Variants in DGKB observed in about 807,000 individuals in gnomAD.
DGKB encodes the protein 90 kDa diacylglycerol kinase.
In DGKB, 67 loss-of-function variants were observed where a neutral mutation model predicts 114.3. That is an observed-to-expected ratio of 0.59 (90% CI 0.48 to 0.72). The LOEUF (loss-of-function observed/expected upper bound fraction) is 0.72. Ranked by LOEUF, DGKB falls within the 30% of genes least tolerant of loss-of-function variation. The probability of loss-of-function intolerance (pLI) is 0.00; values close to 1 mark genes in which losing one functional copy is unlikely to be tolerated. For synonymous variants in DGKB, 398 were observed against 323.1 expected (o/e 1.23, Z -2.49); for missense variants, 907 against 975.2 (o/e 0.93, Z 0.93).
chr7:14,970,666 A>G (rs1215366365), intron 1 of DGKB, among the ~76,000 whole-genome samples: 2 of 152,122 alleles, frequency 1.3e-5, no homozygotes, highest in African/African-American at 4.8e-5. Context: ...TCTTGTTTTC[A>G]TACCCCTTCC....
intron 21 of DGKB, among the ~76,000 whole-genome samples, chr7:14,435,863 C>T (rs1407484746): frequency 6.6e-6 from 1 of 151,938 alleles, no homozygotes; most frequent in Non-Finnish European, 1.5e-5. Context: ...TCTGAGCTTC[C>T]AACAACTGTC....
chr7:14,853,998 A>C (rs1044030243), intron 1 of DGKB, among the ~76,000 whole-genome samples: 2 of 152,086 alleles, frequency 1.3e-5, no homozygotes, highest in Non-Finnish European at 2.9e-5. Flanking sequence ...CACCTTTATC[A>C]CATCTTGCCT....
At chr7:14,278,930 C>T (rs535753199) in intron 23 of DGKB, among the ~76,000 whole-genome samples, 4 of 152,238 alleles carry the variant, frequency 2.6e-5, no homozygotes, top group African/African-American at 9.6e-5. Context: ...GCCTGAGCAA[C>T]GCAGAAGACG....
intron 2 of DGKB, among the ~76,000 whole-genome samples, chr7:14,803,111 C>T (rs562594444): frequency 2.6e-3 from 392 of 151,012 alleles, no homozygotes; most frequent in Admixed American, 6.9e-3. Context: ...TCCATTTACT[C>T]ATTTACTTAT....
At chr7:14,534,787 C>T (rs1380126691) in intron 20 of DGKB, among the ~76,000 whole-genome samples, 1 of 152,236 alleles carries the variant, frequency 6.6e-6, no homozygotes, top group East Asian at 1.9e-4. Context: ...TGGGATAAAG[C>T]ACATATTAGT....
intron 20 of DGKB, among the ~76,000 whole-genome samples, chr7:14,514,984 T>G (rs1041866565): frequency 1.3e-5 from 2 of 152,042 alleles, no homozygotes; most frequent in African/African-American, 4.8e-5. Context: ...GTCAAGGCTA[T>G]AGTGAGCCTG....
chr7:14,168,112 A>C (rs1784871588), intron 25 of DGKB, among the ~76,000 whole-genome samples: 2 of 152,300 alleles, frequency 1.3e-5, no homozygotes, highest in Admixed American at 1.3e-4. Flanking sequence ...GAGAAATAGA[A>C]GATAGTTAAA....
chr7:14,605,384 A>AAC (rs1432327564), intron 17 of DGKB, among the ~76,000 whole-genome samples: 5 of 142,676 alleles, frequency 3.5e-5, no homozygotes, highest in South Asian at 2.3e-4. Context: ...ATATACACCT[A>AAC]TATATGTGTG....
At chr7:14,269,033 T>A (rs1797910480) in intron 23 of DGKB, 1 of 152,196 alleles carries the variant, frequency 6.6e-6, no homozygotes, top group African/African-American at 2.4e-5. Context: ...AGCTGAAGGT[T>A]TAACTTGGGC....
At chr7:14,503,300 T>C (rs1252860615) in intron 20 of DGKB, among the ~76,000 whole-genome samples, 1 of 152,168 alleles carries the variant, frequency 6.6e-6, no homozygotes, top group Non-Finnish European at 1.5e-5. Context: ...AAAAACTAAC[T>C]CCACATTTGT....
intron 20 of DGKB, among the ~76,000 whole-genome samples, chr7:14,492,929 T>C (rs1371003858): frequency 2.0e-5 from 3 of 152,124 alleles, no homozygotes; most frequent in Non-Finnish European, 4.4e-5. Flanking sequence ...TAGTCAAATT[T>C]TGCAAACATG....
upstream of DGKB, among the ~76,000 whole-genome samples, chr7:14,907,601 G>A (rs1411200428): frequency 3.3e-5 from 5 of 152,226 alleles, no homozygotes; most frequent in East Asian, 9.7e-4. Context: ...ATAACTGTGT[G>A]CCCTGTCTTC....
intron 23 of DGKB, among the ~76,000 whole-genome samples, chr7:14,215,996 A>G (rs1354355717): frequency 6.6e-6 from 1 of 151,230 alleles, no homozygotes; most frequent in Admixed American, 6.7e-5. Flanking sequence ...CAAACCTCTT[A>G]CTATATACCA....
At chr7:14,478,322 AC>A in intron 20 of DGKB, 97 bp from the exon 21 acceptor site, 4 of 730,208 alleles carry the variant, frequency 5.5e-6, no homozygotes, top group Non-Finnish European at 8.4e-6. Context: ...TTCAAAATGA[AC>A]TTTTATTTAC....
At chr7:14,429,803 C>A (rs1350017725) in intron 21 of DGKB, among the ~76,000 whole-genome samples, 2 of 152,054 alleles carry the variant, frequency 1.3e-5, no homozygotes, top group African/African-American at 4.8e-5. Flanking sequence ...TGCCTGTAAT[C>A]CCAGCTACTC....
intron 6 of DGKB, among the ~76,000 whole-genome samples, chr7:14,705,179 C>G (rs1825971275): frequency 6.6e-6 from 1 of 152,012 alleles, no homozygotes; most frequent in Non-Finnish European, 1.5e-5. Flanking sequence ...AATGCAGAAG[C>G]CTCAGGAGCC....
In DGKB at chr7:14,937,992, C is replaced by T. The variant is rs1243831812; in HGVS notation, c.-188+36704G>A. Reference sequence around the variant, plus strand: ...GACTGTTTATTAAGGCTTTGGCCAACAGTTAAGGTTTTGGGGAGTCACAAG... The same window carrying T: ...GACTGTTTATTAAGGCTTTGGCCAATAGTTAAGGTTTTGGGGAGTCACAAG... On this transcript the variant is annotated intron_variant, in intron 1 of 4. Coordinates refer to the DGKB transcript ENST00000437998. 4.6e-5 allele frequency among the ~76,000 whole-genome samples: 7 copies of T among 152,256 alleles called. No homozygotes were observed. In the East Asian group the frequency reaches 1.4e-3, roughly 29 times the overall value.
chr7:14,936,958 T>C (rs534473083), intron 1 of DGKB, among the ~76,000 whole-genome samples: 1 of 151,832 alleles, frequency 6.6e-6, no homozygotes, highest in East Asian at 1.9e-4. Context: ...TGATTAAATA[T>C]CTCCTTGTAA....
At chr7:14,588,547 T>C (rs966399549) in intron 17 of DGKB, among the ~76,000 whole-genome samples, 1 of 152,090 alleles carries the variant, frequency 6.6e-6, no homozygotes, top group African/African-American at 2.4e-5. Flanking sequence ...CTTTCTCCCA[T>C]CTCCCCTTTA....
Sources: gnomAD v4.1 joint callset for allele counts (sites outside exome capture counted in the v4.1 genomes callset) on GRCh38, gnomAD v4.1.1 for gene constraint, MANE v1.5 for transcripts, NCBI Gene and HGNC (gene_info 2026-07-23, HGNC 2026-07-21) for gene names.